The following NPAS3 variants were observed in gnomAD, a reference collection of about 807,000 sequenced individuals.
The protein encoded by NPAS3 is neuronal PAS domain-containing protein 3.
NPAS3 carries 14 observed loss-of-function variants against 73.1 expected under a neutral mutation model. The ratio of observed to expected loss-of-function variants is 0.19; its 90% CI spans 0.13 to 0.30. NPAS3 has a LOEUF of 0.30. Among genes scored for constraint, NPAS3 ranks in the 10% least tolerant of loss-of-function variants. The probability of loss-of-function intolerance (pLI) is 1.00; values close to 1 mark genes in which losing one functional copy is unlikely to be tolerated. For synonymous variants in NPAS3, 620 were observed against 541.5 expected, an observed-to-expected ratio of 1.14 and a Z score of -2.01; for missense variants, 1,096 against 1,250.0, an observed-to-expected ratio of 0.88 and a Z score of 1.86.
chr14:32,988,977 C>G (rs1406752896), intron 1 of NPAS3, among the ~76,000 whole-genome samples: 1 of 152,174 alleles, frequency 6.6e-6, no homozygotes, highest in Non-Finnish European at 1.5e-5. Context: ...CACAGATGAG[C>G]TAGACATGGT....
chr14:33,157,475 C>T (rs552560869), intron 2 of NPAS3, among the ~76,000 whole-genome samples: 43 of 152,166 alleles, frequency 2.8e-4, no homozygotes, highest in African/African-American at 9.2e-4. Flanking sequence ...ACAGGCAGGG[C>T]CAGCCAATAT....
At chr14:33,367,122 C>A in intron 3 of NPAS3, 64 bp from the exon 4 acceptor site, 1 of 731,440 alleles carries the variant, frequency 1.4e-6, no homozygotes, top group African/African-American at 1.8e-5. Context: ...AGAAACTAAG[C>A]TGAAGATATG....
chr14:33,215,390 C>A (rs990206393), exon 3 of NPAS3: 2 of 1,613,734 alleles, frequency 1.2e-6, no homozygotes, highest in Admixed American at 3.3e-5. Flanking sequence ...GTGGAACTTG[C>A]GAATGGAAGG....
At chr14:33,173,363 T>C (rs968800303) in intron 2 of NPAS3, among the ~76,000 whole-genome samples, 1 of 152,150 alleles carries the variant, frequency 6.6e-6, no homozygotes, top group East Asian at 1.9e-4. Flanking sequence ...TTAAAAATGA[T>C]CATAGCCTTA....
intron 4 of NPAS3, among the ~76,000 whole-genome samples, chr14:33,369,497 T>G (rs1002040995): frequency 1.3e-5 from 2 of 150,756 alleles, no homozygotes; most frequent in Admixed American, 1.3e-4. Flanking sequence ...TTAGAATGTT[T>G]ACATTATGTC....
intron 1 of NPAS3, among the ~76,000 whole-genome samples, chr14:32,971,658 A>AT (rs2037429383): frequency 6.6e-6 from 1 of 152,036 alleles, no homozygotes; most frequent in South Asian, 2.1e-4. Context: ...TCACATTTTA[A>AT]TTTTTTTATG....
At chr14:33,322,698 G>A (rs867635276) in intron 3 of NPAS3, among the ~76,000 whole-genome samples, 5 of 151,960 alleles carry the variant, frequency 3.3e-5, no homozygotes, top group Admixed American at 6.6e-5. Context: ...GTTTTTCTGA[G>A]CTCATAATAA....
chr14:33,206,504 C>T lies in NPAS3; in HGVS notation c.141-8678C>T, dbSNP rs115966625. Among the ~76,000 whole-genome samples the T allele has an allele frequency of 4.6e-3, 694 of 152,162 alleles. 2 individuals carry two copies. The highest frequency in any genetic ancestry group is 0.015 in the African/African-American group (629 of 41,512). On this transcript the variant is annotated intron_variant, in intron 2 of 11. Coordinates refer to ENST00000356141, the Ensembl canonical transcript of NPAS3. ...TTTAAAAACTCATACAGTGCTCCCC[C>T]GCCAATAGTGGCTGAAAACAATGCT...
intron 2 of NPAS3, among the ~76,000 whole-genome samples, chr14:33,121,773 C>T (rs189812624): frequency 6.6e-6 from 1 of 152,224 alleles, no homozygotes; most frequent in Non-Finnish European, 1.5e-5. Context: ...TGAGAAATTA[C>T]TGAAGCTTAA....
rs145845547 is a variant in NPAS3 at position 33,589,286 on chromosome 14, G to A, written c.558+29076G>A. Reference sequence around the variant, plus strand: ...CCGTCTCCCTGACCATGAAAAATGGGAGGGAGGGGATTAAATTCTATTTGT... The same window carrying A: ...CCGTCTCCCTGACCATGAAAAATGGAAGGGAGGGGATTAAATTCTATTTGT... On this transcript the variant is annotated intron_variant, in intron 5 of 11. Coordinates refer to ENST00000356141, the Ensembl canonical transcript of NPAS3. Among the ~76,000 whole-genome samples, 718 of 152,282 alleles carry A rather than the reference G, an allele frequency of 4.7e-3. 2 individuals carry two copies. The highest frequency in any genetic ancestry group is 7.7e-3 in the Non-Finnish European group (521 of 68,022).
At chr14:33,783,725 C>G (rs2063055074) in intron 9 of NPAS3, among the ~76,000 whole-genome samples, 1 of 152,094 alleles carries the variant, frequency 6.6e-6, no homozygotes, top group Non-Finnish European at 1.5e-5. Context: ...GCTGCGCTTA[C>G]TACACTGTGC....
chr14:33,803,172 C>T (rs951368910), downstream of NPAS3: 2 of 152,156 alleles, frequency 1.3e-5, no homozygotes, highest in Admixed American at 1.3e-4. Context: ...GGTTTCCTTT[C>T]AGGTTGGCTG....
At chr14:33,176,615 A>G (rs1203260873) in intron 2 of NPAS3, among the ~76,000 whole-genome samples, 1 of 152,134 alleles carries the variant, frequency 6.6e-6, no homozygotes, top group Non-Finnish European at 1.5e-5. Context: ...TTATCTATTT[A>G]TCTGTTGATG....
chr14:33,198,186 G>A (rs934010794), intron 2 of NPAS3, among the ~76,000 whole-genome samples: 9 of 152,204 alleles, frequency 5.9e-5, no homozygotes, highest in Admixed American at 4.6e-4. Flanking sequence ...GACCCAAAGA[G>A]TGAGCAACAG....
intron 5 of NPAS3, among the ~76,000 whole-genome samples, chr14:33,652,241 C>G (rs1489059366): frequency 6.6e-6 from 1 of 152,128 alleles, no homozygotes; most frequent in East Asian, 1.9e-4. Flanking sequence ...CTTCTCTTTG[C>G]TCTAAATGGG....
intron 5 of NPAS3, among the ~76,000 whole-genome samples, chr14:33,663,769 TTGGGAGGGTGTA>T (rs1052434343): frequency 1.3e-5 from 2 of 152,166 alleles, no homozygotes; most frequent in Non-Finnish European, 2.9e-5. Context: ...TGGTTTAGTC[TTGGGAGGGTGTA>T]TGTGTCCAGG....
chr14:33,259,802 C>T (rs2048904642), intron 3 of NPAS3, among the ~76,000 whole-genome samples: 1 of 151,984 alleles, frequency 6.6e-6, no homozygotes, highest in Middle Eastern at 3.4e-3. Flanking sequence ...CCAGTTTGAC[C>T]ACAACTATGT....
chr14:33,711,237 C>G (rs2060809744), intron 6 of NPAS3, among the ~76,000 whole-genome samples: 1 of 152,144 alleles, frequency 6.6e-6, no homozygotes, highest in Non-Finnish European at 1.5e-5. Flanking sequence ...TACAGAATGT[C>G]AGGTGACAGG....
chr14:33,123,470 A>T (rs906758904), intron 2 of NPAS3, among the ~76,000 whole-genome samples: 1 of 152,112 alleles, frequency 6.6e-6, no homozygotes, highest in Non-Finnish European at 1.5e-5. Context: ...CACCTGGTCC[A>T]GGCATGGTGA....
Sources: gnomAD v4.1 joint callset for allele counts (sites outside exome capture counted in the v4.1 genomes callset) on GRCh38, gnomAD v4.1.1 for gene constraint, MANE v1.5 for transcripts, NCBI Gene and HGNC (gene_info 2026-07-23, HGNC 2026-07-21) for gene names.